CNTN5: variants seen among roughly 807,000 people sequenced by gnomAD.
CNTN5 encodes the protein contactin-5.
In CNTN5, 77 loss-of-function variants were observed where a neutral mutation model predicts 129.1. The observed-to-expected ratio is 0.60, with a 90% confidence interval of 0.50 to 0.72. CNTN5 has a LOEUF of 0.72. CNTN5 is among the 30% of genes least tolerant of loss of function. The pLI, the probability that CNTN5 is intolerant of heterozygous loss-of-function variation, is 0.00. For synonymous variants in CNTN5, 509 were observed against 465.6 expected (o/e 1.09, Z -1.20); for missense variants, 1,478 against 1,328.8 (o/e 1.11, Z -1.75).
At chr11:99,311,403 G>A (rs1865110241) in intron 1 of CNTN5, among the ~76,000 whole-genome samples, 1 of 151,904 alleles carries the variant, frequency 6.6e-6, no homozygotes, top group Non-Finnish European at 1.5e-5. Flanking sequence ...TGTCATATTT[G>A]GGCTTCAGAG....
intron 13 of CNTN5, among the ~76,000 whole-genome samples, chr11:100,175,412 T>C (rs570937260): frequency 2.0e-5 from 3 of 152,240 alleles, no homozygotes; most frequent in East Asian, 1.9e-4. Context: ...AAGTAAATTA[T>C]TACCATTGCC....
rs189332521 is a variant in CNTN5, at chr11:99,378,740, A to G, written c.-71+53256A>G. 7.9e-5 allele frequency among the ~76,000 whole-genome samples: 12 copies of G among 152,234 alleles called. No individual in the cohort carries two copies. The East Asian group carries it at 2.3e-3, about 29-fold the overall frequency. ...TGCATATGTAGAAAATCACTAGGCT[A>G]GGTTTAAAAAAAAGTGAGAAAGGAA... is the stretch of plus-strand genomic sequence containing the variant. On this transcript the variant is annotated intron_variant, in intron 2 of 24. Transcript: ENST00000524871.
Position 99,764,317 on chromosome 11 carries a change from C to A in CNTN5, c.56-55227C>A, listed in dbSNP as rs571164121. Among the ~76,000 whole-genome samples, 15 of 151,832 alleles carry A rather than the reference C, an allele frequency of 9.9e-5. No homozygotes were observed. The South Asian group carries it at 1.5e-3, about 15-fold the overall frequency. ...AGGCTAATGCTACCAAATAGGAAAA[C>A]AAGTTGGGTGACTCATGGAATTTCA... is the stretch of plus-strand genomic sequence containing the variant. On this transcript the variant is annotated intron_variant, in intron 3 of 24. Transcript: ENST00000524871.
chr11:99,329,634 T>A (rs541000378), intron 2 of CNTN5, among the ~76,000 whole-genome samples: 5 of 152,190 alleles, frequency 3.3e-5, no homozygotes, highest in Admixed American at 1.3e-4. Context: ...GACAGACAAA[T>A]TCTTAACTAG....
chr11:99,064,474 G>T (rs1407407031), intron 1 of CNTN5, among the ~76,000 whole-genome samples: 1 of 152,080 alleles, frequency 6.6e-6, no homozygotes. Flanking sequence ...GGTTTTATCA[G>T]AGAACAGTCA....
chr11:100,148,972 G>A (rs990726070), intron 13 of CNTN5, among the ~76,000 whole-genome samples: 11 of 151,966 alleles, frequency 7.2e-5, no homozygotes, highest in Admixed American at 3.3e-4. Flanking sequence ...CATATTAGTC[G>A]AACAAAATAT....
chr11:99,047,621 T>C (rs1395160593), intron 1 of CNTN5, among the ~76,000 whole-genome samples: 3 of 152,146 alleles, frequency 2.0e-5, no homozygotes, highest in Non-Finnish European at 4.4e-5. Flanking sequence ...TTCAGCCATC[T>C]GAGCACTGAA....
chr11:99,346,816 G>A (rs570733545), intron 2 of CNTN5, among the ~76,000 whole-genome samples: 1 of 152,272 alleles, frequency 6.6e-6, no homozygotes, highest in East Asian at 1.9e-4. Context: ...TCTCCTGTGT[G>A]AGGACACAGC....
intron 3 of CNTN5, among the ~76,000 whole-genome samples, chr11:99,701,063 G>A (rs969124698): frequency 1.3e-5 from 2 of 151,280 alleles, no homozygotes; most frequent in Non-Finnish European, 3.0e-5. Context: ...CTTAAAATAT[G>A]TCCATTAATT....
At chr11:99,927,201 G>A (rs1349304102) in intron 7 of CNTN5, among the ~76,000 whole-genome samples, 1 of 152,054 alleles carries the variant, frequency 6.6e-6, no homozygotes, top group African/African-American at 2.4e-5. Flanking sequence ...TACATTTTAT[G>A]TATCCTATTC....
At chr11:100,114,527 C>T (rs1945773819) in intron 13 of CNTN5, among the ~76,000 whole-genome samples, 1 of 152,088 alleles carries the variant, frequency 6.6e-6, no homozygotes, top group African/African-American at 2.4e-5. Flanking sequence ...TAGATTATCA[C>T]ATTAATTACA....
chr11:100,324,114 G>A (rs559683910), intron 21 of CNTN5, among the ~76,000 whole-genome samples: 8 of 152,226 alleles, frequency 5.3e-5, no homozygotes, highest in African/African-American at 1.9e-4. Flanking sequence ...GTTCATTTGG[G>A]CCAAGTTTGA....
chr11:99,141,983 A>G (rs1476511581), intron 1 of CNTN5, among the ~76,000 whole-genome samples: 1 of 152,174 alleles, frequency 6.6e-6, no homozygotes. Context: ...GCAGTGTTCT[A>G]TAGATGTCCT....
Position 99,161,007 on chromosome 11 carries a change from T to C in CNTN5, c.-210+139737T>C, listed in dbSNP as rs566176018. 3.3e-5 allele frequency among the ~76,000 whole-genome samples: 5 copies of C among 152,192 alleles called. No homozygotes were observed. In the South Asian group the frequency reaches 1.0e-3, roughly 32 times the overall value. On this transcript the variant is annotated intron_variant, in intron 1 of 24. Transcript: ENST00000524871. ...AAATCTATATATTGCAATTAAAAAC[T>C]TGTGAATTTGGGGAAAGTTTGTGAC...
chr11:99,331,733 C>A (rs913143597), intron 2 of CNTN5, among the ~76,000 whole-genome samples: 1 of 152,234 alleles, frequency 6.6e-6, no homozygotes, highest in South Asian at 2.1e-4. Context: ...CCTATCTCTG[C>A]ACATTCAGTG....
chr11:99,916,000 C>A, intron 6 of CNTN5, 54 bp from the exon 7 acceptor site: 4 of 1,340,122 alleles, frequency 3.0e-6, no homozygotes, highest in Non-Finnish European at 4.2e-6. Flanking sequence ...ACAATCATAG[C>A]AATTCTTTAC....
intron 1 of CNTN5, among the ~76,000 whole-genome samples, chr11:99,054,506 T>C (rs1864553235): frequency 6.6e-6 from 1 of 151,926 alleles, no homozygotes; most frequent in Non-Finnish European, 1.5e-5. Context: ...TAGGCAGAGT[T>C]AAATAGTACT....
In CNTN5 at chr11:99,681,991, A is replaced by G. The variant is rs141156275; in HGVS notation, c.55+125722A>G. ...GAGTTAATGGAGTGGAATTTCAGGA[A>G]ACACAAAAAAGGGTAAGCCAAGCAT... On this transcript the variant is annotated intron_variant, in intron 3 of 24. Coordinates refer to ENST00000524871, the MANE Select transcript of CNTN5 (RefSeq NM_014361.4). Among the ~76,000 whole-genome samples, 1,277 of 152,178 alleles carry G rather than the reference A, an allele frequency of 8.4e-3. 19 individuals are homozygous for G. Among genetic ancestry groups the G allele is most frequent in the African/African-American group, 0.029 (1,191 of 41,520 alleles).
chr11:99,565,377 T>C (rs1360920382), intron 3 of CNTN5, among the ~76,000 whole-genome samples: 3 of 152,202 alleles, frequency 2.0e-5, no homozygotes, highest in Non-Finnish European at 4.4e-5. Context: ...AGAAAAAGAC[T>C]AAAAGTTGTC....
Sources: allele counts gnomAD v4.1 joint callset (sites outside exome capture counted in the v4.1 genomes callset), GRCh38; gene constraint gnomAD v4.1.1; transcripts MANE v1.5; gene names NCBI Gene and HGNC (gene_info 2026-07-23, HGNC 2026-07-21).